The following TRDN variants were observed in gnomAD, a reference collection of about 807,000 sequenced individuals.
The protein encoded by TRDN is triadin in skeletal muscle.
TRDN carries 161 observed loss-of-function variants against 149.7 expected under a neutral mutation model. That is an observed-to-expected ratio of 1.08 (90% CI 0.95 to 1.23). The LOEUF (loss-of-function observed/expected upper bound fraction) is 1.23. Ranked by LOEUF, TRDN falls within the 50% of genes most tolerant of loss-of-function variation. The probability of loss-of-function intolerance (pLI) is 0.00; values close to 1 mark genes in which losing one functional copy is unlikely to be tolerated. For synonymous variants in TRDN, 294 were observed against 250.5 expected, an observed-to-expected ratio of 1.17 and a Z score of -1.64; for missense variants, 896 against 823.5, an observed-to-expected ratio of 1.09 and a Z score of -1.08.
At chr6:123,249,866 A>T (rs1776314727) in intron 38 of TRDN, among the ~76,000 whole-genome samples, 1 of 152,172 alleles carries the variant, frequency 6.6e-6, no homozygotes, top group Non-Finnish European at 1.5e-5. Context: ...ATGAAACAGG[A>T]TAAAGAAATA....
At chr6:123,553,376 G>A (rs929693570) in intron 2 of TRDN, among the ~76,000 whole-genome samples, 1 of 152,048 alleles carries the variant, frequency 6.6e-6, no homozygotes, top group African/African-American at 2.4e-5. Context: ...CTAAGAGGTG[G>A]AGTCTCTAGA....
Position 123,594,813 on chromosome 6 carries a change from C to A in TRDN, c.23-23681G>T, listed in dbSNP as rs531252412. Among the ~76,000 whole-genome samples the A allele has an allele frequency of 1.2e-3, 187 of 151,912 alleles. 1 individual carries two copies. Among genetic ancestry groups the A allele is most frequent in the African/African-American group, 4.3e-3 (177 of 41,472 alleles). On this transcript the variant is annotated intron_variant, in intron 1 of 40. Coordinates refer to ENST00000334268, the MANE Select transcript of TRDN (RefSeq NM_006073.4). ...AGGTAGCATGACTTTAGTTTTAAAA[C>A]ATCAAGCTTATTAAATTTATCAATT...
intron 38 of TRDN, among the ~76,000 whole-genome samples, chr6:123,240,561 G>T (rs1448534859): frequency 1.3e-5 from 2 of 151,580 alleles, no homozygotes. Context: ...AGACTTAATA[G>T]TCATTTTAGT....
intron 20 of TRDN, among the ~76,000 whole-genome samples, chr6:123,364,738 T>G (rs1278156233): frequency 1.3e-5 from 2 of 152,218 alleles, no homozygotes; most frequent in Non-Finnish European, 2.9e-5. Context: ...TTTGTCTAAT[T>G]TTTGAACATA....
intron 21 of TRDN, among the ~76,000 whole-genome samples, chr6:123,346,814 T>TA (rs1364450829): frequency 1.3e-5 from 2 of 152,036 alleles, no homozygotes; most frequent in East Asian, 3.9e-4. Context: ...TGCAACCACA[T>TA]AGACAGATTA....
chr6:123,343,110 T>C (rs956074907), intron 21 of TRDN, among the ~76,000 whole-genome samples: 14 of 152,080 alleles, frequency 9.2e-5, no homozygotes, highest in Non-Finnish European at 1.8e-4. Context: ...CAATATCTGA[T>C]AGTCTTCCTG....
intron 12 of TRDN, among the ~76,000 whole-genome samples, chr6:123,412,601 C>T (rs1475371116): frequency 6.6e-6 from 1 of 152,148 alleles, no homozygotes; most frequent in Admixed American, 6.6e-5. Context: ...ATTATGAATA[C>T]TCTTCTGGGT....
At chr6:123,350,622 G>T (rs924195998) in intron 21 of TRDN, 1 of 748,890 alleles carries the variant, frequency 1.3e-6, no homozygotes, top group African/African-American at 1.9e-5. Context: ...TTTATTAAAA[G>T]CACAAAATAT....
chr6:123,269,004 T>C (rs1170883931), intron 31 of TRDN, among the ~76,000 whole-genome samples: 4 of 152,012 alleles, frequency 2.6e-5, no homozygotes, highest in Non-Finnish European at 5.9e-5. Context: ...GTGTCACACG[T>C]TCACCTTTGG....
intron 24 of TRDN, among the ~76,000 whole-genome samples, chr6:123,280,050 G>T (rs1465045405): frequency 6.6e-6 from 1 of 152,134 alleles, no homozygotes; most frequent in Non-Finnish European, 1.5e-5. Flanking sequence ...CCCTGTGATT[G>T]CTTCCGCTTA....
At chr6:123,387,630 G>GA (rs2114440447) in intron 14 of TRDN, among the ~76,000 whole-genome samples, 1 of 152,154 alleles carries the variant, frequency 6.6e-6, no homozygotes, top group African/African-American at 2.4e-5. Context: ...TAGAACCACT[G>GA]AAAAGATCTC....
intron 24 of TRDN, among the ~76,000 whole-genome samples, chr6:123,301,772 TATATATATATATATAC>T (rs1778432174): frequency 2.1e-4 from 26 of 124,848 alleles, no homozygotes; most frequent in Admixed American, 4.3e-4. Flanking sequence ...TATATATACA[TATATATATATATATAC>T]ATAAATGAAA....
chr6:123,369,730 T>C (rs1781250537), intron 19 of TRDN, among the ~76,000 whole-genome samples: 1 of 152,196 alleles, frequency 6.6e-6, no homozygotes, highest in Admixed American at 6.5e-5. Flanking sequence ...TCATCCATTT[T>C]TCTTTCCAGT....
chr6:123,536,821 C>T (rs1162753509), intron 4 of TRDN, among the ~76,000 whole-genome samples: 2 of 151,966 alleles, frequency 1.3e-5, no homozygotes, highest in Non-Finnish European at 2.9e-5. Context: ...GAGGTTGAGG[C>T]TGCAGTGAGC....
At chr6:123,300,201 A>G (rs1778352191) in intron 24 of TRDN, among the ~76,000 whole-genome samples, 1 of 151,980 alleles carries the variant, frequency 6.6e-6, no homozygotes, top group Non-Finnish European at 1.5e-5. Context: ...TGAAATTGGG[A>G]AGGAAGATTT....
intron 24 of TRDN, among the ~76,000 whole-genome samples, chr6:123,302,720 G>A (rs1778471968): frequency 6.6e-6 from 1 of 152,076 alleles, no homozygotes; most frequent in Non-Finnish European, 1.5e-5. Flanking sequence ...CTGGAGATAA[G>A]GGCAGTACTG....
intron 38 of TRDN, among the ~76,000 whole-genome samples, chr6:123,240,785 T>C (rs748564013): frequency 4.6e-5 from 7 of 151,966 alleles, no homozygotes; most frequent in Non-Finnish European, 1.0e-4. Context: ...TGTAAAGTGA[T>C]AAAATTGATT....
chr6:123,463,912 G>A (rs1032612479), intron 10 of TRDN, among the ~76,000 whole-genome samples: 1 of 151,930 alleles, frequency 6.6e-6, no homozygotes, highest in Non-Finnish European at 1.5e-5. Context: ...CAAAGCCAAC[G>A]GGCAGTTGTT....
intron 14 of TRDN, among the ~76,000 whole-genome samples, chr6:123,387,557 A>G (rs2114440151): frequency 6.6e-6 from 1 of 152,264 alleles, no homozygotes; most frequent in South Asian, 2.1e-4. Flanking sequence ...CACTCAAGTG[A>G]GAACGACAGT....
Sources: allele counts gnomAD v4.1 joint callset (sites outside exome capture counted in the v4.1 genomes callset), GRCh38; gene constraint gnomAD v4.1.1; transcripts MANE v1.5; gene names NCBI Gene and HGNC (gene_info 2026-07-23, HGNC 2026-07-21).